The following PTPRM variants were observed in gnomAD, a reference collection of about 807,000 sequenced individuals.
The protein encoded by PTPRM is protein tyrosine phosphatase receptor type M, also known as receptor-type tyrosine-protein phosphatase mu.
PTPRM carries 47 observed loss-of-function variants against 186.7 expected under a neutral mutation model. The observed-to-expected ratio is 0.25, with a 90% CI of 0.20 to 0.32. PTPRM has a LOEUF of 0.32. PTPRM is among the 10% of genes least tolerant of loss of function. PTPRM has a pLI of 1.00. For missense variants in PTPRM, 1,494 were observed against 1,865.0 expected (o/e 0.80, Z 3.66); for synonymous variants, 668 against 674.9 (o/e 0.99, Z 0.16).
intron 6 of PTPRM, 75 bp downstream of exon 6, chr18:7,949,430 T>A: frequency 7.7e-7 from 1 of 1,297,294 alleles, no homozygotes; most frequent in Non-Finnish European, 1.1e-6. Flanking sequence ...ATTATCCCTT[T>A]AAAGCTCAAA....
At chr18:8,352,490 C>T (rs367723989) in intron 23 of PTPRM, among the ~76,000 whole-genome samples, 9 of 152,182 alleles carry the variant, frequency 5.9e-5, no homozygotes, top group Admixed American at 2.0e-4. Context: ...ATCTTTGTGC[C>T]GTGTATACCC....
chr18:8,146,766 T>C (rs2092896911), intron 14 of PTPRM, among the ~76,000 whole-genome samples: 2 of 152,230 alleles, frequency 1.3e-5, no homozygotes, highest in African/African-American at 4.8e-5. Context: ...GGTTTTCTTC[T>C]AGGATTTTTG....
At chr18:8,253,475 G>A (rs1568609212) in intron 19 of PTPRM, 61 bp downstream of exon 19, 3 of 1,333,016 alleles carry the variant, frequency 2.3e-6, no homozygotes, top group Non-Finnish European at 2.9e-6. Flanking sequence ...GCCAGGTACT[G>A]TGCTCCCAAC....
chr18:8,290,970 T>A (rs1053100905), intron 19 of PTPRM, among the ~76,000 whole-genome samples: 2 of 152,184 alleles, frequency 1.3e-5, no homozygotes, highest in Non-Finnish European at 1.5e-5. Flanking sequence ...CACTAAATAT[T>A]GCCTAAATGT....
At chr18:8,096,928 C>A (rs941065456) in intron 11 of PTPRM, among the ~76,000 whole-genome samples, 12 of 152,098 alleles carry the variant, frequency 7.9e-5, no homozygotes, top group African/African-American at 2.9e-4. Flanking sequence ...TTCTTAGAGC[C>A]CTAGACTTTT....
intron 11 of PTPRM, among the ~76,000 whole-genome samples, chr18:8,096,176 G>A (rs538715818): frequency 2.6e-5 from 4 of 152,286 alleles, no homozygotes; most frequent in Admixed American, 2.0e-4. Flanking sequence ...TGCTTCTCTC[G>A]GCTTCAGAAG....
chr18:7,767,658 A>G (rs918100354), intron 1 of PTPRM, among the ~76,000 whole-genome samples: 1 of 152,242 alleles, frequency 6.6e-6, no homozygotes, highest in Non-Finnish European at 1.5e-5. Context: ...TTTTATTTTC[A>G]TAAATCAAGA....
intron 20 of PTPRM, among the ~76,000 whole-genome samples, chr18:8,312,987 C>T (rs889451753): frequency 1.3e-5 from 2 of 152,194 alleles, no homozygotes; most frequent in African/African-American, 4.8e-5. Flanking sequence ...AACATTTACT[C>T]GACAGGAGGT....
At chr18:7,886,288 T>G (rs565015774) in intron 2 of PTPRM, among the ~76,000 whole-genome samples, 24 of 152,346 alleles carry the variant, frequency 1.6e-4, no homozygotes, top group African/African-American at 5.5e-4. Context: ...ACCCTGCATG[T>G]TTTGAAGATT....
At chr18:8,232,145 G>A (rs1336636700) in intron 14 of PTPRM, among the ~76,000 whole-genome samples, 1 of 152,144 alleles carries the variant, frequency 6.6e-6, no homozygotes, top group East Asian at 1.9e-4. Flanking sequence ...CTCTTCCAGA[G>A]TGTTATGTAG....
intron 4 of PTPRM, among the ~76,000 whole-genome samples, chr18:7,909,334 T>C (rs914314479): frequency 4.6e-5 from 7 of 152,210 alleles, no homozygotes; most frequent in Non-Finnish European, 8.8e-5. Context: ...TAATACCTAA[T>C]TGGCTTTGGG....
intron 7 of PTPRM, among the ~76,000 whole-genome samples, chr18:8,042,934 C>A (rs1331678279): frequency 6.6e-6 from 1 of 152,150 alleles, no homozygotes; most frequent in African/African-American, 2.4e-5. Context: ...TCCAACTCCC[C>A]CTTTTCTGCA....
chr18:7,956,495 G>A (rs2053319316), intron 7 of PTPRM, among the ~76,000 whole-genome samples: 1 of 152,098 alleles, frequency 6.6e-6, no homozygotes, highest in African/African-American at 2.4e-5. Flanking sequence ...TTCTTCTGGG[G>A]ATACATGCTA....
chr18:7,567,954 C>T lies in PTPRM; in HGVS notation c.73+63C>T. 6.8e-7 allele frequency: 1 copy of T among 1,468,180 alleles called. No individual in the cohort carries two copies. The highest frequency in any genetic ancestry group is 9.0e-7 in the Non-Finnish European group (1 of 1,109,054). The allele number at this position is 1,468,180 out of a possible 1,614,324, so 90.9% of individuals were successfully genotyped here. Reference sequence around the variant, plus strand: ...GGCCGGCGCGGGACGCCCGGGACGCCGACAGCTCCCTGGTGGTAGAGCCCT... The same window carrying T: ...GGCCGGCGCGGGACGCCCGGGACGCTGACAGCTCCCTGGTGGTAGAGCCCT... On this transcript the variant is annotated intron_variant, in intron 1 of 32. Transcript: ENST00000580170. The surrounding 1 kb of genome is among the most constrained non-coding windows in gnomAD (Gnocchi z 4.3).
At chr18:8,155,370 A>T (rs1479872698) in intron 14 of PTPRM, among the ~76,000 whole-genome samples, 4 of 152,216 alleles carry the variant, frequency 2.6e-5, no homozygotes, top group Non-Finnish European at 5.9e-5. Flanking sequence ...CCACTGTGGT[A>T]CATAGAAATC....
chr18:8,131,968 T>C (rs1378469038), intron 13 of PTPRM, among the ~76,000 whole-genome samples: 2 of 152,222 alleles, frequency 1.3e-5, no homozygotes, highest in African/African-American at 4.8e-5. Flanking sequence ...AAGCAATGCA[T>C]CACTTTAGCA....
At chr18:8,215,244 T>C (rs890087357) in intron 14 of PTPRM, among the ~76,000 whole-genome samples, 1 of 152,048 alleles carries the variant, frequency 6.6e-6, no homozygotes, top group African/African-American at 2.4e-5. Flanking sequence ...ACATAAACAG[T>C]CCGCCAATTG....
At chr18:8,135,498 C>T (rs371369350) in intron 13 of PTPRM, among the ~76,000 whole-genome samples, 12 of 152,272 alleles carry the variant, frequency 7.9e-5, no homozygotes, top group African/African-American at 1.2e-4. Flanking sequence ...CCAGAATCCA[C>T]GGGGAACCCA....
At chr18:8,363,523 T>C (rs2095609461) in intron 23 of PTPRM, among the ~76,000 whole-genome samples, 1 of 152,218 alleles carries the variant, frequency 6.6e-6, no homozygotes, top group Non-Finnish European at 1.5e-5. Context: ...TCTAATAATG[T>C]CATTGCTCAA....
Sources: allele counts gnomAD v4.1 joint callset (sites outside exome capture counted in the v4.1 genomes callset), GRCh38; gene constraint gnomAD v4.1.1; non-coding constraint Gnocchi (gnomAD v3.1); transcripts MANE v1.5; gene names NCBI Gene and HGNC (gene_info 2026-07-23, HGNC 2026-07-21).